MRAP2: variants seen among roughly 807,000 people sequenced by gnomAD.
MRAP2 encodes melanocortin 2 receptor accessory protein 2, also known as melanocortin-2 receptor accessory protein 2.
MRAP2 carries 20 observed loss-of-function variants against 17.4 expected under a neutral mutation model. That is an observed-to-expected ratio of 1.15 (90% CI 0.81 to 1.67). The LOEUF is 1.67. Among genes scored for constraint, MRAP2 ranks in the 40% most tolerant of loss-of-function variants. The pLI is 0.00. For missense variants in MRAP2, 238 were observed against 240.0 expected, an observed-to-expected ratio of 0.99 and a Z score of 0.05; for synonymous variants, 96 against 88.4, an observed-to-expected ratio of 1.09 and a Z score of -0.48.
At chr6:84,063,753 TAA>T (rs1017816290) in intron 3 of MRAP2, among the ~76,000 whole-genome samples, 218 of 152,260 alleles carry the variant, frequency 1.4e-3, no homozygotes, top group African/African-American at 5.0e-3. Context: ...CAACAGTAAT[TAA>T]AAGAGTTTTT....
At chr6:84,099,433 G>T in the MRAP2 span, among the ~76,000 whole-genome samples, 1 of 151,934 alleles carries the variant, frequency 6.6e-6, no homozygotes, top group East Asian at 1.9e-4. Context: ...ATATAGTCTG[G>T]ATATTTGCCC....
At chr6:84,131,412 T>G in the MRAP2 span, among the ~76,000 whole-genome samples, 1 of 152,206 alleles carries the variant, frequency 6.6e-6, no homozygotes, top group Non-Finnish European at 1.5e-5. Context: ...GTTAACTTTC[T>G]GTCTCGTTGA....
chr6:84,057,685 G>T (rs768267837), intron 2 of MRAP2, among the ~76,000 whole-genome samples: 2 of 152,164 alleles, frequency 1.3e-5, no homozygotes, highest in Non-Finnish European at 2.9e-5. Flanking sequence ...GCACTGGAGA[G>T]ACAACAGTGA....
At chr6:84,052,401 T>G (rs1188490745) in intron 1 of MRAP2, among the ~76,000 whole-genome samples, 2 of 152,152 alleles carry the variant, frequency 1.3e-5, no homozygotes, top group African/African-American at 4.8e-5. Context: ...TTGGACATGC[T>G]GGCAGTTCCC....
At chr6:84,039,241 C>A (rs1562868953) in intron 1 of MRAP2, among the ~76,000 whole-genome samples, 1 of 152,204 alleles carries the variant, frequency 6.6e-6, no homozygotes, top group Non-Finnish European at 1.5e-5. Context: ...ACACAATTAT[C>A]TATTCCTAAA....
the MRAP2 span, among the ~76,000 whole-genome samples, chr6:84,117,642 G>GGCGTGTGT: frequency 9.2e-5 from 13 of 140,892 alleles, no homozygotes; most frequent in African/African-American, 3.4e-4. Flanking sequence ...TTGGATGTGG[G>GGCGTGTGT]GTGTGTGTCT....
intron 3 of MRAP2, among the ~76,000 whole-genome samples, chr6:84,078,134 A>C (rs1475392494): frequency 6.6e-6 from 1 of 152,214 alleles, no homozygotes; most frequent in African/African-American, 2.4e-5. Flanking sequence ...TAAAGGAAAA[A>C]AATTGATAAA....
rs149901031 is a variant in MRAP2 at position 84,063,175 on chromosome 6, C to T, written c.227+183C>T. The T allele has an allele frequency of 4.2e-3, 4,126 of 985,326 alleles. 12 individuals carry two copies. Among genetic ancestry groups the T allele is most frequent in the Non-Finnish European group, 4.6e-3 (3,796 of 829,912 alleles). The allele number at this position is 985,326 out of a possible 1,614,324, so 61.0% of individuals were successfully genotyped here. On this transcript the variant is annotated intron_variant, in intron 3 of 3. Coordinates refer to ENST00000257776, the MANE Select transcript of MRAP2 (RefSeq NM_138409.4). ...TATTCTCCTGGCTTTTTGTTTCTTGCGTCTTGGGCTTATTTTCAAGTGGAC... is the reference window on the plus strand; with the variant it reads ...TATTCTCCTGGCTTTTTGTTTCTTGTGTCTTGGGCTTATTTTCAAGTGGAC...
At chr6:84,140,487 C>A in the MRAP2 span, among the ~76,000 whole-genome samples, 1 of 152,008 alleles carries the variant, frequency 6.6e-6, no homozygotes, top group East Asian at 1.9e-4. Context: ...TTTGAGGAAG[C>A]CTCCGGCAAC....
chr6:84,087,027 C>T (rs532710309), intron 3 of MRAP2, among the ~76,000 whole-genome samples: 31 of 152,170 alleles, frequency 2.0e-4, no homozygotes, highest in Non-Finnish European at 4.3e-4. Context: ...TATGCTTTCT[C>T]CAAATGCTTT....
In MRAP2 at chr6:84,072,766, TG is replaced by T. The variant is rs552896570; in HGVS notation, c.227+9779del. The stretch of plus-strand genomic sequence containing the variant: ...GTCTTGCTGCAGCTGCTGTGGGAGA[TG>T]GGGGTGAGGCTCCCAGGTCAATGGA... On this transcript the variant is annotated intron_variant, in intron 3 of 3. Coordinates refer to ENST00000257776, the MANE Select transcript of MRAP2 (RefSeq NM_138409.4). Among the ~76,000 whole-genome samples the T allele has an allele frequency of 2.6e-5, 4 of 152,036 alleles. No homozygotes were observed. The South Asian group carries it at 8.3e-4, about 32-fold the overall frequency.
the MRAP2 span, among the ~76,000 whole-genome samples, chr6:84,138,312 A>G: frequency 6.6e-6 from 1 of 152,242 alleles, no homozygotes. Flanking sequence ...GAGAAGGGAA[A>G]TAAGGTGAGC....
the MRAP2 span, among the ~76,000 whole-genome samples, chr6:84,115,723 A>G: frequency 1.3e-5 from 2 of 152,168 alleles, no homozygotes; most frequent in Non-Finnish European, 2.9e-5. Context: ...CACCGCAGGG[A>G]ATCTCCTGGT....
At chr6:84,042,965 TC>T (rs1411031735) in intron 1 of MRAP2, among the ~76,000 whole-genome samples, 2 of 152,254 alleles carry the variant, frequency 1.3e-5, no homozygotes, top group African/African-American at 4.8e-5. Context: ...AAAGAATGGT[TC>T]AGCTCAGGAC....
the MRAP2 span, among the ~76,000 whole-genome samples, chr6:84,104,953 A>G: frequency 6.6e-6 from 1 of 152,224 alleles, no homozygotes; most frequent in African/African-American, 2.4e-5. Context: ...GCAGAGGCAA[A>G]ATGCCACGAG....
At chr6:84,125,874 A>G in the MRAP2 span, among the ~76,000 whole-genome samples, 10 of 152,290 alleles carry the variant, frequency 6.6e-5, no homozygotes, top group South Asian at 2.1e-3. Flanking sequence ...GCAGACTAAT[A>G]CACTGTTCAA....
chr6:84,134,537 C>T, the MRAP2 span, among the ~76,000 whole-genome samples: 2 of 152,142 alleles, frequency 1.3e-5, no homozygotes. Context: ...AGCATAGTAA[C>T]TGGGCTGGAG....
intron 3 of MRAP2, among the ~76,000 whole-genome samples, chr6:84,068,147 G>A (rs756050668): frequency 6.6e-6 from 1 of 152,082 alleles, no homozygotes; most frequent in African/African-American, 2.4e-5. Context: ...TCAAAAGAGT[G>A]TCCTTTCCCC....
chr6:84,104,437 T>G, the MRAP2 span, among the ~76,000 whole-genome samples: 11 of 152,366 alleles, frequency 7.2e-5, no homozygotes, highest in Admixed American at 5.9e-4. Flanking sequence ...CTTGAATTTC[T>G]CCTCAGAAAA....
Sources: gnomAD v4.1 joint callset for allele counts (sites outside exome capture counted in the v4.1 genomes callset) on GRCh38, gnomAD v4.1.1 for gene constraint, MANE v1.5 for transcripts, NCBI Gene and HGNC (gene_info 2026-07-23, HGNC 2026-07-21) for gene names.